The following AQP8 variants were observed in gnomAD, a reference collection of about 807,000 sequenced individuals.
AQP8 encodes aquaporin-8.
In AQP8, 14 loss-of-function variants were observed where a neutral mutation model predicts 26.1. The ratio of observed to expected loss-of-function variants is 0.54; its 90% CI spans 0.35 to 0.84. The LOEUF (loss-of-function observed/expected upper bound fraction) is 0.84. Ranked by LOEUF, AQP8 falls within the 40% of genes least tolerant of loss-of-function variation. The pLI, the probability that AQP8 is intolerant of heterozygous loss-of-function variation, is 0.01. For synonymous variants in AQP8, 131 were observed against 150.7 expected (o/e 0.87, Z 0.96); for missense variants, 301 against 340.5 (o/e 0.88, Z 0.91).
intron 3 of AQP8, among the ~76,000 whole-genome samples, chr16:25,222,199 G>A (rs1962572044): frequency 6.6e-6 from 1 of 152,252 alleles, no homozygotes; most frequent in Middle Eastern, 3.4e-3. Context: ...TTGAGTAGCT[G>A]GGACTACAGG....
rs754114408 is a variant in AQP8, at chr16:25,227,162, G to C, written c.697G>C (p.Gly233Arg). The C allele has an allele frequency of 6.2e-7, 1 of 1,614,116 alleles. No homozygotes were observed. The highest frequency in any genetic ancestry group is 8.5e-7 in the Non-Finnish European group (1 of 1,180,038). Residue 233 changes from glycine to arginine, a missense_variant, in exon 5 of 6, where the codon GGC becomes CGC. Gly to Arg is a moderately radical substitution (Grantham distance 125, BLOSUM62 -2). Coordinates refer to ENST00000219660, the MANE Select transcript of AQP8 (RefSeq NM_001169.3). ...HWNFHWIYWL[G>R]PLLAGLLVGL... ...GAACTTCCACTGGATCTACTGGCTGGGCCCACTCCTGGCTGGCCTGCTTGT... is the reference window on the plus strand; with the variant it reads ...GAACTTCCACTGGATCTACTGGCTGCGCCCACTCCTGGCTGGCCTGCTTGT...
In AQP8 at chr16:25,228,558, G is replaced by A. The variant is rs959510823; in HGVS notation, c.*66G>A. 6 of 1,557,100 alleles carry A rather than the reference G, an allele frequency of 3.9e-6. No homozygotes were observed. In the African/African-American group the frequency reaches 8.1e-5, roughly 21 times the overall value. On this transcript the variant is annotated 3_prime_UTR_variant, in exon 6 of 6. Coordinates refer to ENST00000219660, the MANE Select transcript of AQP8 (RefSeq NM_001169.3). ...GCTCACCTGTCCCAGACTGAGGACA[G>A]GGGAGTTCCTGCATTTCCTGCCAGG...
chr16:25,225,123 A>T (rs1181230078), intron 4 of AQP8, among the ~76,000 whole-genome samples: 1 of 152,172 alleles, frequency 6.6e-6, no homozygotes. Context: ...TAAGTGATAG[A>T]TTTGGGACAA....
chr16:25,217,078 T>C (rs1962495577), intron 1 of AQP8, 21 bp downstream of exon 1: 1 of 1,613,964 alleles, frequency 6.2e-7, no homozygotes, highest in South Asian at 1.1e-5. Context: ...TGTCGGCATC[T>C]TCCTCTCCAG....
chr16:25,221,604 G>T, intron 3 of AQP8, 21 bp downstream of exon 3: 1 of 1,613,616 alleles, frequency 6.2e-7, no homozygotes, highest in Non-Finnish European at 8.5e-7. Flanking sequence ...CCCAGGGGCT[G>T]GGCTAGTCTT....
chr16:25,228,415 G>C, intron 5 of AQP8, 29 bp from the exon 6 acceptor site: 2 of 1,613,522 alleles, frequency 1.2e-6, no homozygotes, highest in Admixed American at 3.3e-5. Flanking sequence ...CTCCGGGGCA[G>C]AGACCTTACT....
At position 25,224,634 on chromosome 16, in the gene AQP8, G is replaced by A. The variant is rs376343575; in HGVS notation, c.602+58G>A. The stretch of plus-strand genomic sequence containing the variant: ...CCAGATCTGTGCTGTTCAGCTCTGG[G>A]GGATTTCAGGCCTGAGGGTCACAGA... On this transcript the variant is annotated intron_variant, in intron 4 of 5. Coordinates refer to ENST00000219660, the MANE Select transcript of AQP8 (RefSeq NM_001169.3). 3 of 1,533,516 alleles carry A rather than the reference G, an allele frequency of 2.0e-6. No homozygotes were observed. The African/African-American group carries it at 4.1e-5, about 21-fold the overall frequency. The allele number at this position is 1,533,516 out of a possible 1,614,324, so 95.0% of individuals were successfully genotyped here. A position where few individuals can be genotyped will look rare whatever the true frequency, so the allele number is the denominator to read the frequency against.
rs528870343 is a variant in AQP8 at position 25,219,612 on chromosome 16, C to G, written c.261-1845C>G. Among the ~76,000 whole-genome samples, 115 of 151,580 alleles carry G rather than the reference C, an allele frequency of 7.6e-4. 4 individuals are homozygous for G. The highest frequency in any genetic ancestry group is 2.7e-3 in the African/African-American group (113 of 41,172). ...AGTTTCTCTCCCCTTTGGGGCTCCC[C>G]TGGGAAGCCGCCTCACCCTGACTTC... On this transcript the variant is annotated intron_variant, in intron 2 of 5. Transcript: ENST00000219660.
intron 3 of AQP8, 71 bp downstream of exon 3, chr16:25,221,654 G>C (rs770693661): frequency 2.5e-6 from 4 of 1,590,002 alleles, no homozygotes; most frequent in Non-Finnish European, 3.4e-6. Context: ...ATGTGGGTGT[G>C]TGTGTGGGAC....
intron 2 of AQP8, among the ~76,000 whole-genome samples, chr16:25,218,881 A>G (rs1425835936): frequency 1.3e-5 from 2 of 151,138 alleles, no homozygotes; most frequent in Non-Finnish European, 3.0e-5. Flanking sequence ...TCCATCTCCA[A>G]AAAACAAACA....
At chr16:25,223,522 A>G (rs1962591174) in intron 3 of AQP8, among the ~76,000 whole-genome samples, 1 of 149,648 alleles carries the variant, frequency 6.7e-6, no homozygotes, top group African/African-American at 2.5e-5. Context: ...CAACATAGTA[A>G]GACCTTCCAT....
intron 4 of AQP8, among the ~76,000 whole-genome samples, chr16:25,226,210 T>G (rs1339629056): frequency 2.0e-5 from 3 of 152,194 alleles, no homozygotes; most frequent in African/African-American, 7.2e-5. Context: ...AAGCATTTAT[T>G]TTTTGTGTCA....
intron 4 of AQP8, among the ~76,000 whole-genome samples, chr16:25,226,380 C>T (rs1401491413): frequency 2.6e-5 from 4 of 152,210 alleles, no homozygotes; most frequent in African/African-American, 7.2e-5. Flanking sequence ...GGCTTAGCCT[C>T]CCCAGTAGCT....
In AQP8 at chr16:25,224,361, G is replaced by A; in HGVS notation, c.388-1G>A. On this transcript the variant is annotated splice_acceptor_variant, in intron 3 of 5. Transcript: ENST00000219660. LOFTEE classifies it high-confidence loss of function. ...TGAGGCTCAGCAGCTTCTCTGTGCAGGCGGTGAGTCCTGAGGAGAGGTTCT... is the reference window on the plus strand; with the variant it reads ...TGAGGCTCAGCAGCTTCTCTGTGCAAGCGGTGAGTCCTGAGGAGAGGTTCT... 2 of 1,610,282 alleles carry A rather than the reference G, an allele frequency of 1.2e-6. No homozygotes were observed. The highest frequency in any genetic ancestry group is 1.7e-6 in the Non-Finnish European group (2 of 1,177,658).
chr16:25,220,926 C>G (rs146504342), intron 2 of AQP8, among the ~76,000 whole-genome samples: 132 of 152,304 alleles, frequency 8.7e-4, no homozygotes, highest in African/African-American at 3.1e-3. Context: ...TGGCACACAC[C>G]TGTAGTTCCA....
chr16:25,219,575 G>A lies in AQP8; in HGVS notation c.261-1882G>A, dbSNP rs540236207. 2.6e-5 allele frequency among the ~76,000 whole-genome samples: 4 copies of A among 151,622 alleles called. No individual in the cohort carries two copies. The South Asian group carries it at 8.3e-4, about 31-fold the overall frequency. On this transcript the variant is annotated intron_variant, in intron 2 of 5. Coordinates refer to ENST00000219660, the MANE Select transcript of AQP8 (RefSeq NM_001169.3). ...CACCTGGCCCTCCTGATAGAGCCAT[G>A]CTCTGGGTGACAGTTTCTCTCCCCT...
intron 3 of AQP8, among the ~76,000 whole-genome samples, chr16:25,222,751 G>A (rs777152594): frequency 3.3e-5 from 5 of 152,026 alleles, no homozygotes; most frequent in Admixed American, 6.6e-5. Context: ...CTGACCCACC[G>A]CAGACTTTGT....
At chr16:25,226,686 T>C (rs1962638108) in intron 4 of AQP8, among the ~76,000 whole-genome samples, 1 of 152,240 alleles carries the variant, frequency 6.6e-6, no homozygotes, top group Non-Finnish European at 1.5e-5. Context: ...TTTTTGTTAT[T>C]TTATAATGTG....
chr16:25,225,508 G>A (rs1039416127), intron 4 of AQP8, among the ~76,000 whole-genome samples: 7 of 148,730 alleles, frequency 4.7e-5, no homozygotes, highest in African/African-American at 1.7e-4. Context: ...CCGGGTTCAC[G>A]CCATTGTCCT....
Sources: allele counts gnomAD v4.1 joint callset (sites outside exome capture counted in the v4.1 genomes callset), GRCh38; gene constraint gnomAD v4.1.1; transcripts MANE v1.5; gene names NCBI Gene and HGNC (gene_info 2026-07-23, HGNC 2026-07-21).